The following NEGR1 variants were observed in gnomAD, a reference collection of about 807,000 sequenced individuals.
NEGR1 encodes the protein neuronal growth regulator 1.
In NEGR1, 10 loss-of-function variants were observed where a neutral mutation model predicts 40.9. The ratio of observed to expected loss-of-function variants is 0.24; its 90% CI spans 0.15 to 0.42. The LOEUF is 0.42. Among genes scored for constraint, NEGR1 ranks in the 10% least tolerant of loss-of-function variants. The pLI is 1.00. For missense variants in NEGR1, 352 were observed against 438.9 expected (o/e 0.80, Z 1.77); for synonymous variants, 185 against 166.8 (o/e 1.11, Z -0.84).
intron 1 of NEGR1, among the ~76,000 whole-genome samples, chr1:72,147,397 CT>C (rs1365700180): frequency 6.6e-6 from 1 of 152,070 alleles, no homozygotes; most frequent in African/African-American, 2.4e-5. Flanking sequence ...GACTTATTCA[CT>C]ATCACAAGAA....
At chr1:71,600,825 G>A (rs1285688419) in intron 5 of NEGR1, among the ~76,000 whole-genome samples, 1 of 152,184 alleles carries the variant, frequency 6.6e-6, no homozygotes, top group Non-Finnish European at 1.5e-5. Context: ...ATTTATTTTA[G>A]AACGATCATT....
At chr1:72,126,298 A>C (rs927578669) in intron 1 of NEGR1, among the ~76,000 whole-genome samples, 2 of 152,156 alleles carry the variant, frequency 1.3e-5, no homozygotes, top group African/African-American at 4.8e-5. Flanking sequence ...TTACAAAACA[A>C]AATTTACAAA....
At chr1:71,581,846 G>C (rs1478924800) in intron 6 of NEGR1, among the ~76,000 whole-genome samples, 3 of 152,028 alleles carry the variant, frequency 2.0e-5, no homozygotes, top group African/African-American at 7.2e-5. Flanking sequence ...GGGATGACAG[G>C]TGTAGACAAC....
At chr1:72,205,756 C>CA (rs35490878) in intron 1 of NEGR1, among the ~76,000 whole-genome samples, 3,651 of 30,928 alleles carry the variant, frequency 0.12, 556 homozygotes, top group Non-Finnish European at 0.18. Flanking sequence ...CCCATTTCTA[C>CA]AAAAAAAAAA....
chr1:71,624,094 G>A (rs1171097469), intron 4 of NEGR1, among the ~76,000 whole-genome samples: 5 of 151,736 alleles, frequency 3.3e-5, no homozygotes, highest in African/African-American at 4.8e-5. Context: ...AGTCAAAGTC[G>A]CCAGATCCTG....
chr1:71,928,195 C>T (rs866027103), intron 2 of NEGR1, among the ~76,000 whole-genome samples: 18 of 1,022 alleles, frequency 0.018, no homozygotes, highest in African/African-American at 0.044. Context: ...TATGTATATA[C>T]GTATATATGT....
chr1:71,800,584 T>C (rs988708322), intron 2 of NEGR1, among the ~76,000 whole-genome samples: 2 of 152,232 alleles, frequency 1.3e-5, no homozygotes, highest in African/African-American at 4.8e-5. Context: ...TAACATACTG[T>C]TCATGTCCTC....
chr1:71,898,569 C>A (rs562813998), intron 2 of NEGR1, among the ~76,000 whole-genome samples: 71 of 152,078 alleles, frequency 4.7e-4, no homozygotes, highest in Middle Eastern at 3.4e-3. Context: ...GAGCCGAGAT[C>A]GTGCCACTGC....
chr1:72,001,501 G>A (rs1206423163), intron 1 of NEGR1, among the ~76,000 whole-genome samples: 1 of 151,422 alleles, frequency 6.6e-6, no homozygotes, highest in Non-Finnish European at 1.5e-5. Context: ...GGTCAAATTT[G>A]ACCTATAATC....
At chr1:71,454,490 G>A (rs1198030308) in intron 6 of NEGR1, among the ~76,000 whole-genome samples, 1 of 151,518 alleles carries the variant, frequency 6.6e-6, no homozygotes, top group East Asian at 1.9e-4. Context: ...TCTTTGAAAT[G>A]CTTCTTAATT....
At chr1:72,272,653 T>C (rs1337470958) in intron 1 of NEGR1, among the ~76,000 whole-genome samples, 1 of 151,946 alleles carries the variant, frequency 6.6e-6, no homozygotes, top group Non-Finnish European at 1.5e-5. Context: ...ATATTTTCCA[T>C]GGCCCTTTAA....
chr1:71,622,727 G>A (rs1324098699), intron 4 of NEGR1, among the ~76,000 whole-genome samples: 4 of 151,756 alleles, frequency 2.6e-5, no homozygotes, highest in South Asian at 2.1e-4. Flanking sequence ...AATTGAAAAA[G>A]TAATGGCAGT....
At chr1:71,795,633 T>C (rs1480569634) in intron 2 of NEGR1, among the ~76,000 whole-genome samples, 5 of 152,152 alleles carry the variant, frequency 3.3e-5, no homozygotes, top group South Asian at 2.1e-4. Flanking sequence ...CAAATCCCAA[T>C]TGACCGTGTG....
At chr1:71,452,010 A>G (rs1646633001) in intron 6 of NEGR1, among the ~76,000 whole-genome samples, 1 of 152,214 alleles carries the variant, frequency 6.6e-6, no homozygotes, top group South Asian at 2.1e-4. Context: ...AAATTAGATG[A>G]ACAAAATTCC....
intron 4 of NEGR1, among the ~76,000 whole-genome samples, chr1:71,652,348 T>C (rs1377254271): frequency 2.0e-5 from 3 of 152,204 alleles, no homozygotes; most frequent in South Asian, 2.1e-4. Flanking sequence ...GTAAACTGAA[T>C]AAAATGTTTT....
chr1:72,047,438 T>G (rs12564163), intron 1 of NEGR1, among the ~76,000 whole-genome samples: 57,783 of 151,188 alleles, frequency 0.38, 12,020 homozygotes, highest in East Asian at 0.6. Flanking sequence ...ACAGGGTATT[T>G]AAATAATATA....
At chr1:72,097,982 T>C (rs550452819) in intron 1 of NEGR1, among the ~76,000 whole-genome samples, 2 of 152,324 alleles carry the variant, frequency 1.3e-5, no homozygotes, top group African/African-American at 4.8e-5. Flanking sequence ...TTCTTTACAC[T>C]GAAGCAAATC....
intron 5 of NEGR1, among the ~76,000 whole-genome samples, chr1:71,601,165 T>C (rs565016893): frequency 6.6e-6 from 1 of 152,344 alleles, no homozygotes; most frequent in South Asian, 2.1e-4. Context: ...TTCCAACTAC[T>C]CTAAGAAATA....
At chr1:72,219,924 A>G (rs1653954498) in intron 1 of NEGR1, among the ~76,000 whole-genome samples, 1 of 152,058 alleles carries the variant, frequency 6.6e-6, no homozygotes, top group Non-Finnish European at 1.5e-5. Flanking sequence ...TGTTACCTAC[A>G]GTTCCTTGCT....
Sources: gnomAD v4.1 joint callset for allele counts (sites outside exome capture counted in the v4.1 genomes callset) on GRCh38, gnomAD v4.1.1 for gene constraint, MANE v1.5 for transcripts, NCBI Gene and HGNC (gene_info 2026-07-23, HGNC 2026-07-21) for gene names.